Variants in PPARG observed in about 807,000 individuals in gnomAD.
The protein encoded by PPARG is peroxisome proliferator-activated receptor gamma.
PPARG carries 17 observed loss-of-function variants against 39.2 expected under a neutral mutation model. The observed-to-expected ratio is 0.43, with a 90% CI of 0.30 to 0.65. The LOEUF is 0.65. PPARG is among the 30% of genes least tolerant of loss of function. The pLI is 0.13. For missense variants in PPARG, 406 were observed against 585.9 expected, an observed-to-expected ratio of 0.69 and a Z score of 3.17; for synonymous variants, 223 against 215.7, an observed-to-expected ratio of 1.03 and a Z score of -0.30.
chr3:12,399,460 G>A (rs2050387323), intron 5 of PPARG: 1 of 452,616 alleles, frequency 2.2e-6, no homozygotes, highest in South Asian at 1.6e-5. Context: ...GGTGGTGCAT[G>A]CCTGTGGTCC....
At chr3:12,343,675 C>A (rs540278627) in intron 2 of PPARG, among the ~76,000 whole-genome samples, 2 of 152,262 alleles carry the variant, frequency 1.3e-5, no homozygotes, top group Admixed American at 6.5e-5. Context: ...ATCCTCTTTA[C>A]TAAAAGTAGG....
intron 2 of PPARG, among the ~76,000 whole-genome samples, chr3:12,361,445 A>G (rs1455510513): frequency 6.6e-6 from 1 of 152,176 alleles, no homozygotes; most frequent in Non-Finnish European, 1.5e-5. Flanking sequence ...CAAGGTTGAT[A>G]AAGTGTGTTT....
In PPARG at chr3:12,353,768, T is replaced by C. The variant is rs545674093; in HGVS notation, c.-8-25936T>C. On this transcript the variant is annotated intron_variant, in intron 2 of 7. Coordinates refer to ENST00000651735, the MANE Select transcript of PPARG (RefSeq NM_138711.6). ...GTGACCCCTTTATATTATTCCCCTT[T>C]CTCTTTTTATCAAGAGCTCCTCAAG... is the stretch of plus-strand genomic sequence containing the variant. Among the ~76,000 whole-genome samples, 4 of 152,282 alleles carry C rather than the reference T, an allele frequency of 2.6e-5. No homozygotes were observed. In the South Asian group the frequency reaches 8.3e-4, roughly 32 times the overall value.
chr3:12,430,669 G>A (rs780797205), intron 7 of PPARG, among the ~76,000 whole-genome samples: 7 of 152,290 alleles, frequency 4.6e-5, no homozygotes, highest in South Asian at 2.1e-4. Flanking sequence ...GTATAGTAGC[G>A]ATTGAGGTGT....
At chr3:12,418,366 A>G (rs140705008) in intron 7 of PPARG, among the ~76,000 whole-genome samples, 1 of 152,280 alleles carries the variant, frequency 6.6e-6, no homozygotes, top group African/African-American at 2.4e-5. Flanking sequence ...TTCCTATTGA[A>G]GTGGACTTTA....
chr3:12,356,847 G>A (rs2048681299), intron 2 of PPARG, among the ~76,000 whole-genome samples: 1 of 152,050 alleles, frequency 6.6e-6, no homozygotes, highest in Non-Finnish European at 1.5e-5. Context: ...ACCCACCCTT[G>A]CTCCAAGCCT....
intron 7 of PPARG, among the ~76,000 whole-genome samples, chr3:12,421,289 T>G (rs1157753237): frequency 1.3e-5 from 2 of 152,196 alleles, no homozygotes; most frequent in Non-Finnish European, 2.9e-5. Flanking sequence ...GGAACAGCGC[T>G]TCCTTGGTCA....
At chr3:12,343,531 C>T (rs1309507442) in intron 2 of PPARG, among the ~76,000 whole-genome samples, 1 of 152,148 alleles carries the variant, frequency 6.6e-6, no homozygotes, top group African/African-American at 2.4e-5. Context: ...GGGTTGAGGG[C>T]CTCAAGTCAG....
Position 12,416,776 on chromosome 3 carries a change from C to G in PPARG, c.802C>G (p.Leu268Val). Residue 268 changes from leucine (L) to valine (V), a missense_variant, in exon 7 of 8, where the codon CTG becomes GTG. This residue lies in a region of PPARG where 275 missense variants were observed against 458.0 expected (regional missense o/e 0.60). Transcript: ENST00000651735. ...DKIKFKHITP[L>V]QEQSKEVAIR... ...AATCAAGTTCAAACACATCACCCCC[C>G]TGCAGGAGCAGAGCAAAGAGGTGGC... The G allele has an allele frequency of 6.2e-7, 1 of 1,614,094 alleles. No homozygotes were observed. Among genetic ancestry groups the G allele is most frequent in the East Asian group, 2.2e-5 (1 of 44,870 alleles).
At chr3:12,368,274 C>T (rs1264142042) in intron 2 of PPARG, among the ~76,000 whole-genome samples, 1 of 150,900 alleles carries the variant, frequency 6.6e-6, no homozygotes, top group Middle Eastern at 3.2e-3. Flanking sequence ...CTCCATCTCC[C>T]GAGTTCAAGT....
chr3:12,361,996 A>T (rs950402468), intron 2 of PPARG, among the ~76,000 whole-genome samples: 11 of 152,180 alleles, frequency 7.2e-5, no homozygotes, highest in African/African-American at 1.9e-4. Context: ...TAATTTTTTT[A>T]AATAGTATAT....
At chr3:12,428,663 C>T (rs1489074946) in intron 7 of PPARG, among the ~76,000 whole-genome samples, 1 of 152,186 alleles carries the variant, frequency 6.6e-6, no homozygotes, top group Non-Finnish European at 1.5e-5. Flanking sequence ...GTGCGTGGAG[C>T]AGAAAGGGGA....
intron 5 of PPARG, among the ~76,000 whole-genome samples, chr3:12,405,170 A>G (rs1453709829): frequency 6.6e-6 from 1 of 152,212 alleles, no homozygotes; most frequent in Non-Finnish European, 1.5e-5. Context: ...ACTAGTCCCC[A>G]CTAACCCCTC....
At chr3:12,432,672 A>G (rs535479010) in intron 7 of PPARG, among the ~76,000 whole-genome samples, 1 of 152,356 alleles carries the variant, frequency 6.6e-6, no homozygotes, top group East Asian at 1.9e-4. Flanking sequence ...AGAAAGGTTA[A>G]TGCTGCAAAA....
chr3:12,327,975 A>T (rs890428966), intron 2 of PPARG: 2 of 784,876 alleles, frequency 2.5e-6, no homozygotes, highest in Non-Finnish European at 4.5e-6. Context: ...AATAAATAGT[A>T]TTAAATTCTG....
chr3:12,395,251 G>T lies in PPARG; in HGVS notation c.529+2499G>T, dbSNP rs190381951. Among the ~76,000 whole-genome samples the T allele has an allele frequency of 5.9e-5, 9 of 152,296 alleles. No homozygotes were observed. The East Asian group carries it at 1.3e-3, about 23-fold the overall frequency. ...CTATTCCGTGTCTTACAGTGCTCTG[G>T]TCTTCACAGATAGGTAGGCACCTGG... On this transcript the variant is annotated intron_variant, in intron 5 of 7. Transcript: ENST00000651735.
chr3:12,289,433 C>A (rs2046595053), intron 1 of PPARG, among the ~76,000 whole-genome samples: 1 of 152,108 alleles, frequency 6.6e-6, no homozygotes, highest in African/African-American at 2.4e-5. Flanking sequence ...GGATATAAAA[C>A]CAGACAATGA....
intron 4 of PPARG, among the ~76,000 whole-genome samples, chr3:12,388,180 A>G (rs916160476): frequency 1.3e-5 from 2 of 152,200 alleles, no homozygotes; most frequent in Non-Finnish European, 2.9e-5. Flanking sequence ...AAACTTTTTG[A>G]TATCTGAAGG....
rs764771478 is a variant in PPARG at position 12,298,324 on chromosome 3, A to AAAAAAAAAAAAAG, written c.-83+9193_-83+9194insAAAAAAAAAGAAA. ...AAAAAAAAAAAAAAAAAAAAAAAAA[A>AAAAAAAAAAAAAG]AAAGAAATGTAAAATAGCAAGCGAG... On this transcript the variant is annotated intron_variant, in intron 1 of 7. Coordinates refer to ENST00000651735, the MANE Select transcript of PPARG (RefSeq NM_138711.6). Among the ~76,000 whole-genome samples the AAAAAAAAAAAAAG allele has an allele frequency of 4.7e-4, 63 of 134,706 alleles. 2 individuals carry two copies. Among genetic ancestry groups the AAAAAAAAAAAAAG allele is most frequent in the Non-Finnish European group, 7.2e-4 (44 of 61,286 alleles). The allele number at this position is 134,706 out of a possible 152,430, so 88.4% of individuals were successfully genotyped here. A position where few individuals can be genotyped will look rare whatever the true frequency, so the allele number is the denominator to read the frequency against.
Sources: allele counts gnomAD v4.1 joint callset (sites outside exome capture counted in the v4.1 genomes callset), GRCh38; gene constraint gnomAD v4.1.1; regional missense constraint gnomAD v4.1.1; transcripts MANE v1.5; gene names NCBI Gene and HGNC (gene_info 2026-07-23, HGNC 2026-07-21).